The following PTPRE variants were observed in gnomAD, a reference collection of about 807,000 sequenced individuals.
The protein encoded by PTPRE is receptor-type tyrosine-protein phosphatase epsilon.
In PTPRE, 51 loss-of-function variants were observed where a neutral mutation model predicts 102.0. The ratio of observed to expected loss-of-function variants is 0.50; its 90% confidence interval spans 0.40 to 0.63. The LOEUF (loss-of-function observed/expected upper bound fraction) is 0.63. Ranked by LOEUF, PTPRE falls within the 30% of genes least tolerant of loss-of-function variation. The probability of loss-of-function intolerance (pLI) is 0.00; values close to 1 mark genes in which losing one functional copy is unlikely to be tolerated. For synonymous variants in PTPRE, 345 were observed against 348.2 expected, an observed-to-expected ratio of 0.99 and a Z score of 0.10; for missense variants, 752 against 915.1, an observed-to-expected ratio of 0.82 and a Z score of 2.30.
intron 1 of PTPRE, among the ~76,000 whole-genome samples, chr10:127,911,186 A>G (rs1009551703): frequency 1.3e-5 from 2 of 152,234 alleles, no homozygotes; most frequent in African/African-American, 4.8e-5. Flanking sequence ...AGTAGGTCAA[A>G]TCAGTGTGGT....
chr10:127,918,491 G>A (rs914847710), intron 1 of PTPRE, among the ~76,000 whole-genome samples: 23 of 151,246 alleles, frequency 1.5e-4, no homozygotes, highest in African/African-American at 4.9e-4. Context: ...CCCGGGAGGC[G>A]GAGCTTGCAG....
Position 128,068,027 on chromosome 10 carries a change from C to G in PTPRE, c.844-96C>G, listed in dbSNP as rs541921506. The G allele has an allele frequency of 2.3e-5, 32 of 1,419,142 alleles. No homozygotes were observed. The African/African-American group carries it at 3.8e-4, about 17-fold the overall frequency. 87.9% of individuals were successfully genotyped at this position (1,419,142 alleles called of 1,614,324 possible). A position where few individuals can be genotyped will look rare whatever the true frequency, so the allele number is the denominator to read the frequency against. ...GGGCCCCTCCCCTACGCAGCCCCAG[C>G]ACAGGGGAGCCCACGGCGGCGTCCT... On this transcript the variant is annotated intron_variant, in intron 11 of 20. Transcript: ENST00000254667.
chr10:128,023,427 G>A (rs1238498006), intron 2 of PTPRE, among the ~76,000 whole-genome samples: 5 of 152,054 alleles, frequency 3.3e-5, no homozygotes, highest in African/African-American at 1.2e-4. Context: ...ATAGTAACTG[G>A]TCTAAAATAG....
intron 6 of PTPRE, among the ~76,000 whole-genome samples, chr10:128,053,569 GC>G (rs1158041890): frequency 6.6e-6 from 1 of 152,174 alleles, no homozygotes; most frequent in Non-Finnish European, 1.5e-5. Flanking sequence ...ACATACGTGT[GC>G]GGTGCACAGG....
chr10:127,920,485 G>T (rs921365270), intron 1 of PTPRE, among the ~76,000 whole-genome samples: 1 of 152,182 alleles, frequency 6.6e-6, no homozygotes, highest in African/African-American at 2.4e-5. Context: ...AGTCCCAGTG[G>T]CAGGGCAGAG....
intron 2 of PTPRE, chr10:127,998,705 A>G (rs1853540540): frequency 6.6e-6 from 1 of 152,172 alleles, no homozygotes; most frequent in Non-Finnish European, 1.5e-5. Flanking sequence ...GAAAGACTCA[A>G]AATTGTGTTG....
chr10:128,023,209 A>G (rs528211433), intron 2 of PTPRE, among the ~76,000 whole-genome samples: 6 of 152,168 alleles, frequency 3.9e-5, no homozygotes, highest in African/African-American at 1.4e-4. Flanking sequence ...TGCCTGATTT[A>G]TAAAATAAAC....
chr10:127,964,064 C>T lies in PTPRE; in HGVS notation c.-30-18210C>T, dbSNP rs928504646. ...TTCAGCCTCTTTCCTGTTGAGACCA[C>T]TCCTTGCAAAGATGATTGCTCTTGA... On this transcript the variant is annotated intron_variant, in intron 1 of 20. Transcript: ENST00000254667. Among the ~76,000 whole-genome samples the T allele has an allele frequency of 3.3e-5, 5 of 152,222 alleles. 1 individual carries two copies. The highest frequency in any genetic ancestry group is 1.2e-4 in the African/African-American group (5 of 41,454).
chr10:128,081,195 T>C (rs1031772777), intron 20 of PTPRE, among the ~76,000 whole-genome samples: 4 of 152,082 alleles, frequency 2.6e-5, no homozygotes, highest in Admixed American at 6.5e-5. Context: ...AAAGAGATGA[T>C]TGCTGACCTG....
chr10:128,016,623 C>T (rs1845454820), intron 2 of PTPRE, among the ~76,000 whole-genome samples: 1 of 152,006 alleles, frequency 6.6e-6, no homozygotes, highest in African/African-American at 2.4e-5. Context: ...CTGGGAACAG[C>T]ACCCAGGTGG....
At chr10:127,961,853 C>T (rs1319040859) in intron 1 of PTPRE, among the ~76,000 whole-genome samples, 1 of 152,004 alleles carries the variant, frequency 6.6e-6, no homozygotes, top group Admixed American at 6.5e-5. Context: ...CTAGCCGGGC[C>T]GGGTACCCCT....
At chr10:127,968,943 A>G (rs1189403170) in intron 1 of PTPRE, among the ~76,000 whole-genome samples, 1 of 152,248 alleles carries the variant, frequency 6.6e-6, no homozygotes. Context: ...GATTCAAAGA[A>G]TGTCCCTAGT....
chr10:127,914,387 C>T (rs920309277), intron 1 of PTPRE, among the ~76,000 whole-genome samples: 2 of 152,172 alleles, frequency 1.3e-5, no homozygotes, highest in African/African-American at 4.8e-5. Flanking sequence ...TTGCGGACAC[C>T]GGTGGCCTGT....
chr10:128,054,095 T>G (rs1848762438), intron 6 of PTPRE, among the ~76,000 whole-genome samples: 1 of 152,100 alleles, frequency 6.6e-6, no homozygotes. Flanking sequence ...TTTAGAGCAG[T>G]TTTAGCTATA....
At chr10:127,940,065 G>A (rs1220996050) in intron 1 of PTPRE, among the ~76,000 whole-genome samples, 1 of 150,392 alleles carries the variant, frequency 6.6e-6, no homozygotes, top group Non-Finnish European at 1.5e-5. Context: ...GGCAGGAGGA[G>A]GCAAGATGAG....
At chr10:128,055,697 C>A (rs1420205974) in intron 6 of PTPRE, among the ~76,000 whole-genome samples, 2 of 152,186 alleles carry the variant, frequency 1.3e-5, no homozygotes, top group Non-Finnish European at 2.9e-5. Flanking sequence ...GTCACAGCAT[C>A]CCGCTGTAAA....
At chr10:127,933,853 A>C (rs1439576894) in intron 1 of PTPRE, among the ~76,000 whole-genome samples, 2 of 152,158 alleles carry the variant, frequency 1.3e-5, no homozygotes, top group Admixed American at 6.5e-5. Context: ...CCAGGCCCCT[A>C]CCGAAGTCCT....
At chr10:128,041,022 A>G (rs1390972715) in intron 3 of PTPRE, 32 bp downstream of exon 3, 3 of 1,579,410 alleles carry the variant, frequency 1.9e-6, no homozygotes, top group Admixed American at 3.4e-5. Flanking sequence ...TGCCTCCCCT[A>G]CTACCTCCTC....
At chr10:127,940,101 T>C (rs1203060694) in intron 1 of PTPRE, among the ~76,000 whole-genome samples, 1 of 151,170 alleles carries the variant, frequency 6.6e-6, no homozygotes, top group Admixed American at 6.6e-5. Context: ...TGCGGGCAGG[T>C]GCAGGCAGAT....
Sources: allele counts gnomAD v4.1 joint callset (sites outside exome capture counted in the v4.1 genomes callset), GRCh38; gene constraint gnomAD v4.1.1; transcripts MANE v1.5; gene names NCBI Gene and HGNC (gene_info 2026-07-23, HGNC 2026-07-21).